NELL1: variants seen among roughly 807,000 people sequenced by gnomAD.
NELL1 encodes the protein neural EGFL like 1.
In NELL1, 76 loss-of-function variants were observed where a neutral mutation model predicts 107.4. That is an observed-to-expected ratio of 0.71 (90% CI 0.59 to 0.86). NELL1 has a LOEUF of 0.86. Ranked by LOEUF, NELL1 falls within the 40% of genes least tolerant of loss-of-function variation. The pLI, the probability that NELL1 is intolerant of heterozygous loss-of-function variation, is 0.00. For synonymous variants in NELL1, 353 were observed against 341.2 expected (o/e 1.03, Z -0.38); for missense variants, 1,024 against 1,005.5 (o/e 1.02, Z -0.25).
intron 4 of NELL1, among the ~76,000 whole-genome samples, chr11:20,857,425 G>A (rs1406828389): frequency 1.3e-5 from 2 of 152,294 alleles, no homozygotes; most frequent in East Asian, 3.9e-4. Context: ...GAGAAGGTGA[G>A]TGGTTCTTCA....
intron 3 of NELL1, among the ~76,000 whole-genome samples, chr11:20,785,680 T>G (rs1211797902): frequency 1.3e-5 from 2 of 152,202 alleles, no homozygotes; most frequent in Non-Finnish European, 2.9e-5. Flanking sequence ...GGAGTTCCAG[T>G]TCTAGCTTTG....
intron 3 of NELL1, among the ~76,000 whole-genome samples, chr11:20,846,734 T>C (rs1320560825): frequency 6.6e-6 from 1 of 152,184 alleles, no homozygotes; most frequent in Non-Finnish European, 1.5e-5. Context: ...AATTAGTATA[T>C]GTGAAATACC....
At chr11:20,995,060 A>G (rs935619310) in intron 12 of NELL1, among the ~76,000 whole-genome samples, 2 of 151,872 alleles carry the variant, frequency 1.3e-5, no homozygotes, top group African/African-American at 4.8e-5. Flanking sequence ...CACCTGCATG[A>G]TGTTATTTTG....
intron 13 of NELL1, among the ~76,000 whole-genome samples, chr11:21,209,865 T>C (rs1382144880): frequency 1.3e-5 from 2 of 152,188 alleles, no homozygotes; most frequent in African/African-American, 4.8e-5. Flanking sequence ...TCAAAGAAAC[T>C]GATACTCCTT....
chr11:20,723,695 C>T (rs1475263382), intron 2 of NELL1, among the ~76,000 whole-genome samples: 2 of 152,042 alleles, frequency 1.3e-5, no homozygotes, highest in African/African-American at 4.8e-5. Flanking sequence ...GGCCCTCTTC[C>T]ATAGCTCCAT....
intron 12 of NELL1, among the ~76,000 whole-genome samples, chr11:21,010,434 C>G (rs1852422390): frequency 6.6e-6 from 1 of 152,080 alleles, no homozygotes; most frequent in African/African-American, 2.4e-5. Flanking sequence ...CAACTGGAAG[C>G]TTCAGGTGAG....
chr11:21,559,929 A>C (rs1466619276), intron 16 of NELL1, among the ~76,000 whole-genome samples: 1 of 152,112 alleles, frequency 6.6e-6, no homozygotes, highest in African/African-American at 2.4e-5. Context: ...TCAGCCACTT[A>C]CTAGCTCTAT....
At chr11:20,760,065 T>C (rs1856385126) in intron 2 of NELL1, among the ~76,000 whole-genome samples, 1 of 152,118 alleles carries the variant, frequency 6.6e-6, no homozygotes. Context: ...AGAGAAACAC[T>C]CCCTTTCCTC....
intron 17 of NELL1, 65 bp downstream of exon 17, chr11:21,560,447 C>T: frequency 7.2e-7 from 1 of 1,380,128 alleles, no homozygotes; most frequent in Non-Finnish European, 9.7e-7. Context: ...ACTTTTCTAC[C>T]TCCCCAGCTC....
intron 12 of NELL1, among the ~76,000 whole-genome samples, chr11:21,002,042 G>A (rs1451591037): frequency 1.3e-5 from 2 of 152,186 alleles, no homozygotes; most frequent in East Asian, 3.9e-4. Flanking sequence ...CACTGTAGTG[G>A]ATTCCAGGGC....
chr11:20,964,466 A>G (rs144350367), intron 12 of NELL1, among the ~76,000 whole-genome samples: 19 of 152,298 alleles, frequency 1.2e-4, no homozygotes, highest in Admixed American at 2.0e-4. Context: ...AAATTTTTCA[A>G]ACTCCTTTTA....
chr11:20,877,691 G>C (rs1015413926), intron 4 of NELL1, among the ~76,000 whole-genome samples: 7 of 152,178 alleles, frequency 4.6e-5, no homozygotes, highest in Non-Finnish European at 7.3e-5. Flanking sequence ...CTTTGACAAG[G>C]AGTGTGGCAG....
chr11:21,404,486 T>A (rs888359193), intron 15 of NELL1, among the ~76,000 whole-genome samples: 2 of 151,502 alleles, frequency 1.3e-5, no homozygotes, highest in Non-Finnish European at 3.0e-5. Context: ...ATTTCTAGAT[T>A]TTGATTTGGG....
At chr11:21,544,922 T>A (rs10833563) in intron 16 of NELL1, among the ~76,000 whole-genome samples, 55,689 of 151,636 alleles carry the variant, frequency 0.37, 11,900 homozygotes, top group Non-Finnish European at 0.49. Context: ...AATGATTGCA[T>A]ACACTACTTG....
intron 2 of NELL1, among the ~76,000 whole-genome samples, chr11:20,760,191 C>T (rs563156347): frequency 6.6e-6 from 1 of 152,184 alleles, no homozygotes; most frequent in Non-Finnish European, 1.5e-5. Context: ...ACCATGCCCT[C>T]TTAGGCAAAT....
intron 12 of NELL1, among the ~76,000 whole-genome samples, chr11:21,015,548 T>G (rs2134293343): frequency 6.6e-6 from 1 of 152,264 alleles, no homozygotes; most frequent in Non-Finnish European, 1.5e-5. Flanking sequence ...TGAGGTGACT[T>G]TATTTTATTT....
intron 10 of NELL1, among the ~76,000 whole-genome samples, chr11:20,941,199 C>T (rs1850847417): frequency 6.6e-6 from 1 of 152,130 alleles, no homozygotes; most frequent in South Asian, 2.1e-4. Context: ...TGGGAAGTTA[C>T]TAAACTAATA....
At chr11:20,901,882 G>T (rs999571646) in intron 5 of NELL1, among the ~76,000 whole-genome samples, 8 of 151,980 alleles carry the variant, frequency 5.3e-5, no homozygotes, top group Non-Finnish European at 1.2e-4. Flanking sequence ...ACATGGTTAG[G>T]AAAATCAGTT....
At chr11:21,029,034 T>C (rs941427730) in intron 12 of NELL1, among the ~76,000 whole-genome samples, 1 of 152,144 alleles carries the variant, frequency 6.6e-6, no homozygotes, top group Admixed American at 6.6e-5. Flanking sequence ...ATTCTCTGTA[T>C]TGTAGATTTG....
Sources: gnomAD v4.1 joint callset for allele counts (sites outside exome capture counted in the v4.1 genomes callset) on GRCh38, gnomAD v4.1.1 for gene constraint, MANE v1.5 for transcripts, NCBI Gene and HGNC (gene_info 2026-07-23, HGNC 2026-07-21) for gene names.